Variants in DNAI4 observed in about 807,000 individuals in gnomAD.
DNAI4 encodes the protein WD repeat domain 78.
In DNAI4, 85 loss-of-function variants were observed where a neutral mutation model predicts 105.8. That is an observed-to-expected ratio of 0.80 (90% CI 0.67 to 0.96). The LOEUF is 0.96. Ranked by LOEUF, DNAI4 falls within the 40% of genes least tolerant of loss-of-function variation. DNAI4 has a pLI of 0.00. For missense variants in DNAI4, 1,014 were observed against 1,005.6 expected (o/e 1.01, Z -0.11); for synonymous variants, 352 against 331.5 (o/e 1.06, Z -0.67).
At chr1:66,840,189 T>C (rs1375068714) in intron 9 of DNAI4, among the ~76,000 whole-genome samples, 2 of 152,198 alleles carry the variant, frequency 1.3e-5, no homozygotes, top group Admixed American at 6.5e-5. Context: ...TAACATGAAT[T>C]CAGAGAATGC....
intron 4 of DNAI4, among the ~76,000 whole-genome samples, chr1:66,880,098 G>T (rs1461587071): frequency 2.4e-4 from 37 of 152,208 alleles, no homozygotes; most frequent in Admixed American, 2.4e-3. Flanking sequence ...ATCCACATGA[G>T]ATATGACTTG....
At chr1:66,831,530 C>T (rs1240331078) in intron 13 of DNAI4, among the ~76,000 whole-genome samples, 1 of 152,138 alleles carries the variant, frequency 6.6e-6, no homozygotes, top group Non-Finnish European at 1.5e-5. Context: ...ACTATATGAT[C>T]ATCTTTATAC....
At position 66,837,704 on chromosome 1, in the gene DNAI4, G is replaced by T. The variant is rs1278004411; in HGVS notation, c.1581+6C>A. On this transcript the variant is annotated splice_donor_region_variant and intron_variant, in intron 10 of 16. Transcript: ENST00000371026. ...TAAAAATGCTTCTTATTCTTGTTTG[G>T]GTTACCATGGGATTCTTTATTGACC... 1 of 1,603,502 alleles carries T rather than the reference G, an allele frequency of 6.2e-7. No homozygotes were observed.
intron 1 of DNAI4, among the ~76,000 whole-genome samples, chr1:66,906,064 C>G (rs1046018188): frequency 3.3e-5 from 5 of 151,670 alleles, no homozygotes; most frequent in African/African-American, 1.2e-4. Context: ...GCTGGGACTA[C>G]AGGTGTGCAC....
At chr1:66,901,794 T>A (rs1001323568) in intron 2 of DNAI4, among the ~76,000 whole-genome samples, 2 of 152,214 alleles carry the variant, frequency 1.3e-5, no homozygotes, top group Non-Finnish European at 2.9e-5. Context: ...TTTTCTTTCC[T>A]TTTTTCTTTT....
At chr1:66,901,754 T>C (rs1348372979) in intron 2 of DNAI4, among the ~76,000 whole-genome samples, 1 of 152,206 alleles carries the variant, frequency 6.6e-6, no homozygotes, top group Non-Finnish European at 1.5e-5. Flanking sequence ...GTAATTCTAC[T>C]TTCAAGGTTT....
chr1:66,821,794 C>A (rs2100328912), intron 16 of DNAI4, among the ~76,000 whole-genome samples: 1 of 151,694 alleles, frequency 6.6e-6, no homozygotes, highest in South Asian at 2.1e-4. Context: ...TTTATAATAA[C>A]AATCTAAACA....
chr1:66,822,383 G>A lies in DNAI4; in HGVS notation c.2474C>T (p.Pro825Leu). Reference protein sequence around the residue: ...QVSVYELRNMPTVLETGRGDI... With the variant: ...QVSVYELRNMLTVLETGRGDI... ...TACCCGGCCAGTTTCCAAAACAGTA[G>A]GCATATTTCTCAGTTCATACACAGA... The change falls in exon 16 of 17, where the codon CCT (proline) becomes CTT (leucine). Residue 825 changes from proline to leucine, a missense_variant. Pro to Leu is a moderately conservative substitution (Grantham distance 98). Transcript: ENST00000371026. The A allele has an allele frequency of 1.2e-6, 2 of 1,606,772 alleles. No homozygotes were observed. Among genetic ancestry groups the A allele is most frequent in the Non-Finnish European group, 8.5e-7 (1 of 1,177,776 alleles).
intron 8 of DNAI4, among the ~76,000 whole-genome samples, chr1:66,841,049 C>CCA (rs887127703): frequency 5.3e-5 from 8 of 152,208 alleles, no homozygotes; most frequent in African/African-American, 1.7e-4. Flanking sequence ...ATATCCCACA[C>CCA]CACACACACA....
chr1:66,835,481 C>A (rs1409605188), intron 11 of DNAI4, 145 bp downstream of exon 11: 6 of 848,504 alleles, frequency 7.1e-6, no homozygotes, highest in African/African-American at 1.7e-5. Context: ...GCTGGAGAGA[C>A]AATATGAGGG....
At chr1:66,881,986 C>T (rs1482040378) in intron 4 of DNAI4, among the ~76,000 whole-genome samples, 2 of 152,124 alleles carry the variant, frequency 1.3e-5, no homozygotes, top group Non-Finnish European at 2.9e-5. Context: ...GGGAGTTTCC[C>T]TGAACAACCT....
chr1:66,875,671 G>A (rs1007599580), intron 4 of DNAI4, among the ~76,000 whole-genome samples: 4 of 152,004 alleles, frequency 2.6e-5, no homozygotes, highest in African/African-American at 9.7e-5. Context: ...CAACAACAGG[G>A]TATACAGCAG....
intron 9 of DNAI4, among the ~76,000 whole-genome samples, chr1:66,838,246 T>C (rs546816822): frequency 4.6e-5 from 7 of 152,288 alleles, no homozygotes; most frequent in South Asian, 2.1e-4. Context: ...TATGTGGAGA[T>C]AGGGGTTTTA....
At chr1:66,883,842 G>A (rs547145911) in intron 4 of DNAI4, among the ~76,000 whole-genome samples, 1 of 152,184 alleles carries the variant, frequency 6.6e-6, no homozygotes, top group East Asian at 1.9e-4. Context: ...CATTTTTGTA[G>A]TGAAAATATT....
intron 4 of DNAI4, among the ~76,000 whole-genome samples, chr1:66,886,988 TG>T (rs772043858): frequency 1.4e-3 from 154 of 112,640 alleles, no homozygotes; most frequent in Non-Finnish European, 2.2e-3. Context: ...GGGGAAGGAG[TG>T]TTTTAAGCTG....
chr1:66,882,706 T>C lies in DNAI4; in HGVS notation c.644-7769A>G, dbSNP rs191964939. ...GTACTTGATTGTGATAGCTCTATAC[T>C]TATGCTTGAAATCAGGTAATGTGAG... On this transcript the variant is annotated intron_variant, in intron 4 of 16. Coordinates refer to ENST00000371026, the MANE Select transcript of DNAI4 (RefSeq NM_024763.5). Among the ~76,000 whole-genome samples the C allele has an allele frequency of 3.2e-3, 489 of 152,260 alleles. 1 individual carries two copies. The highest frequency in any genetic ancestry group is 5.4e-3 in the South Asian group (26 of 4,830).
chr1:66,914,948 C>G (rs185844918), intron 1 of DNAI4, among the ~76,000 whole-genome samples: 93 of 152,286 alleles, frequency 6.1e-4, no homozygotes, highest in African/African-American at 1.9e-3. Context: ...AATAAGCTAG[C>G]TTTAAAATTA....
intron 4 of DNAI4, among the ~76,000 whole-genome samples, chr1:66,881,374 G>C (rs1647067353): frequency 6.6e-6 from 1 of 152,256 alleles, no homozygotes; most frequent in Non-Finnish European, 1.5e-5. Flanking sequence ...AGCCAGGAGG[G>C]AGGCTATACC....
chr1:66,832,211 A>C (rs761270324), intron 13 of DNAI4, among the ~76,000 whole-genome samples: 10 of 152,236 alleles, frequency 6.6e-5, no homozygotes, highest in Non-Finnish European at 1.3e-4. Context: ...AAGTTAGAAG[A>C]TGGCTGTAGT....
Sources: allele counts gnomAD v4.1 joint callset (sites outside exome capture counted in the v4.1 genomes callset), GRCh38; gene constraint gnomAD v4.1.1; transcripts MANE v1.5; gene names NCBI Gene and HGNC (gene_info 2026-07-23, HGNC 2026-07-21).